RSPO3: variants seen among roughly 807,000 people sequenced by gnomAD.
RSPO3 encodes the protein R-spondin-3.
A neutral mutation model predicts 36.5 loss-of-function variants in RSPO3; 17 were observed. That is an observed-to-expected ratio of 0.47 (90% CI 0.32 to 0.70). The LOEUF is 0.70. Ranked by LOEUF, RSPO3 falls within the 30% of genes least tolerant of loss-of-function variation. The probability of loss-of-function intolerance (pLI) is 0.04; values close to 1 mark genes in which losing one functional copy is unlikely to be tolerated. For synonymous variants in RSPO3, 108 were observed against 107.0 expected, an observed-to-expected ratio of 1.01 and a Z score of -0.06; for missense variants, 294 against 322.5, an observed-to-expected ratio of 0.91 and a Z score of 0.68.
chr6:127,142,212 T>G (rs1306672536), intron 1 of RSPO3, among the ~76,000 whole-genome samples: 1 of 152,202 alleles, frequency 6.6e-6, no homozygotes, highest in African/African-American at 2.4e-5. Flanking sequence ...CAGAAAATCT[T>G]GTGTTCATAT....
intron 4 of RSPO3, among the ~76,000 whole-genome samples, chr6:127,179,910 A>G (rs969900683): frequency 5.9e-5 from 9 of 151,646 alleles, no homozygotes; most frequent in Non-Finnish European, 2.9e-5. Flanking sequence ...TCCACTTTCC[A>G]CTTTTAAGGA....
chr6:127,119,180 T>C lies in RSPO3; in HGVS notation c.-13T>C, dbSNP rs368646008. The stretch of plus-strand genomic sequence containing the variant: ...GAAAGAGGAGAAAGGAAGGGAAGCA[T>C]TACTGGGTTACTATGCACTTGCGAC... On this transcript the variant is annotated 5_prime_UTR_variant, in exon 1 of 5. Coordinates refer to ENST00000356698, the MANE Select transcript of RSPO3 (RefSeq NM_032784.5). The C allele has an allele frequency of 1.3e-6, 2 of 1,572,896 alleles. No individual in the cohort carries two copies. Among genetic ancestry groups the C allele is most frequent in the Non-Finnish European group, 1.7e-6 (2 of 1,143,388 alleles).
At chr6:127,189,014 A>C (rs1011613452) in intron 4 of RSPO3, among the ~76,000 whole-genome samples, 3 of 152,266 alleles carry the variant, frequency 2.0e-5, no homozygotes, top group South Asian at 4.1e-4. Flanking sequence ...GGTTGAATAG[A>C]GCTTCTAGGC....
intron 3 of RSPO3, among the ~76,000 whole-genome samples, chr6:127,153,277 A>G (rs897181476): frequency 2.6e-5 from 4 of 151,878 alleles, no homozygotes; most frequent in African/African-American, 9.7e-5. Context: ...TCAATTCTAC[A>G]TTGTTCATTA....
chr6:127,135,785 G>C (rs1774143700), intron 1 of RSPO3, among the ~76,000 whole-genome samples: 1 of 151,952 alleles, frequency 6.6e-6, no homozygotes. Flanking sequence ...AAATTAGCCG[G>C]GCATGATGGC....
chr6:127,172,396 T>C (rs1164304710), intron 4 of RSPO3, among the ~76,000 whole-genome samples: 2 of 151,642 alleles, frequency 1.3e-5, no homozygotes, highest in Admixed American at 6.6e-5. Flanking sequence ...ATATAACAGC[T>C]GGAAGGGATT....
Position 127,148,771 on chromosome 6 carries a change from G to C in RSPO3, c.221G>C (p.Gly74Ala). The C allele has an allele frequency of 6.2e-7, 1 of 1,613,116 alleles. No homozygotes were observed. Among genetic ancestry groups the C allele is most frequent in the Non-Finnish European group, 8.5e-7 (1 of 1,179,354 alleles). The stretch of plus-strand genomic sequence containing the variant: ...GAAAGAATTGGCATGAAGCAGATTG[G>C]AGTATGTCTCTCTTCATGTCCAAGT... ...ALERIGMKQI[G>A]VCLSSCPSGY... Residue 74 changes from glycine to alanine, a missense_variant, in exon 2 of 5, where the codon GGA becomes GCA. This residue lies in a region of RSPO3 where 43 missense variants were observed against 86.0 expected (regional missense o/e 0.50). Coordinates refer to ENST00000356698, the MANE Select transcript of RSPO3 (RefSeq NM_032784.5).
At position 127,195,975 on chromosome 6, in the gene RSPO3, C is replaced by G. The variant is rs141517143; in HGVS notation, c.787C>G (p.Gln263Glu). 5 of 1,612,766 alleles carry G rather than the reference C, an allele frequency of 3.1e-6. No individual in the cohort carries two copies. The highest frequency in any genetic ancestry group is 4.2e-6 in the Non-Finnish European group (5 of 1,179,174). The change falls in exon 5 of 5, where the codon CAG (glutamine) becomes GAG (glutamate). Residue 263 changes from glutamine to glutamate, a missense_variant. Physicochemically the swap from Gln to Glu is conservative, Grantham distance 29 (BLOSUM62 2). Transcript: ENST00000356698. ...QQKKRKVQDK[Q>E]KSVSVSTVH ...GAAGAAGCGAAAAGTCCAAGATAAA[C>G]AGAAATCGGTATCAGTCAGCACTGT...
At chr6:127,127,833 T>A (rs1773967997) in intron 1 of RSPO3, among the ~76,000 whole-genome samples, 1 of 151,982 alleles carries the variant, frequency 6.6e-6, no homozygotes, top group South Asian at 2.1e-4. Context: ...TTATCCTCAT[T>A]TAACAAACCA....
intron 2 of RSPO3, among the ~76,000 whole-genome samples, chr6:127,149,778 T>C (rs1389015081): frequency 6.6e-6 from 1 of 152,090 alleles, no homozygotes; most frequent in Non-Finnish European, 1.5e-5. Context: ...TCAGTTTCCT[T>C]ATATGTAAAA....
At chr6:127,169,114 C>T (rs573673049) in intron 4 of RSPO3, among the ~76,000 whole-genome samples, 26 of 151,912 alleles carry the variant, frequency 1.7e-4, no homozygotes, top group African/African-American at 6.3e-4. Flanking sequence ...TTTGAGGAAT[C>T]GCCACACTTA....
chr6:127,159,940 T>G (rs551553431), intron 4 of RSPO3, among the ~76,000 whole-genome samples: 2 of 152,098 alleles, frequency 1.3e-5, no homozygotes, highest in Non-Finnish European at 2.9e-5. Context: ...TGAGCCACCA[T>G]GCCTGGCTGA....
intron 4 of RSPO3, 110 bp from the exon 5 acceptor site, chr6:127,195,713 C>G: frequency 1.4e-6 from 1 of 691,052 alleles, no homozygotes; most frequent in African/African-American, 1.8e-5. Context: ...TATTTAGTAT[C>G]TATCATTATG....
At chr6:127,180,779 A>G (rs1029837423) in intron 4 of RSPO3, among the ~76,000 whole-genome samples, 1 of 151,752 alleles carries the variant, frequency 6.6e-6, no homozygotes, top group Non-Finnish European at 1.5e-5. Flanking sequence ...ACCATTTATT[A>G]TTGTTACTAA....
intron 1 of RSPO3, among the ~76,000 whole-genome samples, chr6:127,144,878 T>C (rs1270602115): frequency 6.6e-6 from 1 of 151,960 alleles, no homozygotes; most frequent in Non-Finnish European, 1.5e-5. Flanking sequence ...CACCTTGGCC[T>C]CCCAAAATGC....
At chr6:127,161,772 T>C (rs565784004) in intron 4 of RSPO3, among the ~76,000 whole-genome samples, 4 of 152,242 alleles carry the variant, frequency 2.6e-5, no homozygotes, top group African/African-American at 9.6e-5. Flanking sequence ...TTGTGACCCA[T>C]TGGTGAGTGT....
chr6:127,197,189 TGAATCCACC>T lies in RSPO3; in HGVS notation c.*1183_*1191del. 1 of 452,798 alleles carries T rather than the reference TGAATCCACC, an allele frequency of 2.2e-6. No homozygotes were observed. The allele number at this position is 452,798 out of a possible 1,614,324, so 28.0% of individuals were successfully genotyped here. A position where few individuals can be genotyped will look rare whatever the true frequency, so the allele number is the denominator to read the frequency against. ...ACATTTCTCAGTAATATTTGTTTTT[TGAATCCACC>T]TTTATCTGAGCCAATGGAGATTTAC... On this transcript the variant is annotated 3_prime_UTR_variant, in exon 5 of 5. Coordinates refer to ENST00000356698, the MANE Select transcript of RSPO3 (RefSeq NM_032784.5).
At chr6:127,172,656 T>C (rs1016138544) in intron 4 of RSPO3, among the ~76,000 whole-genome samples, 5 of 151,860 alleles carry the variant, frequency 3.3e-5, no homozygotes, top group Admixed American at 2.0e-4. Context: ...CATATTAACA[T>C]AGATTCTTTC....
intron 1 of RSPO3, among the ~76,000 whole-genome samples, chr6:127,120,785 A>T (rs1773828028): frequency 6.6e-6 from 1 of 152,244 alleles, no homozygotes; most frequent in South Asian, 2.1e-4. Context: ...AGGATCACCT[A>T]GCAGGGGGCA....
Sources: gnomAD v4.1 joint callset for allele counts (sites outside exome capture counted in the v4.1 genomes callset) on GRCh38, gnomAD v4.1.1 for gene constraint, gnomAD v4.1.1 regional missense constraint, MANE v1.5 for transcripts, NCBI Gene and HGNC (gene_info 2026-07-23, HGNC 2026-07-21) for gene names.